The following NLGN1 variants were observed in gnomAD, a reference collection of about 807,000 sequenced individuals.
The protein encoded by NLGN1 is neuroligin 1.
Under a neutral mutation model 65.5 loss-of-function variants are expected in NLGN1, and 12 were observed. The ratio of observed to expected loss-of-function variants is 0.18; its 90% confidence interval spans 0.12 to 0.30. The LOEUF (loss-of-function observed/expected upper bound fraction) is 0.30, where lower values mean the gene tolerates loss of function less well. NLGN1 is among the 10% of genes least tolerant of loss of function. The pLI, the probability that NLGN1 is intolerant of heterozygous loss-of-function variation, is 1.00. For missense variants in NLGN1, 750 were observed against 1,007.1 expected, an observed-to-expected ratio of 0.74 and a Z score of 3.46; for synonymous variants, 350 against 359.5, an observed-to-expected ratio of 0.97 and a Z score of 0.30.
chr3:174,119,103 A>G (rs939040693), intron 4 of NLGN1, among the ~76,000 whole-genome samples: 1 of 152,178 alleles, frequency 6.6e-6, no homozygotes, highest in Non-Finnish European at 1.5e-5. Flanking sequence ...TAAAAGTAAT[A>G]CATGTCTTTT....
At chr3:174,186,336 A>G (rs1731395153) in intron 4 of NLGN1, among the ~76,000 whole-genome samples, 1 of 151,746 alleles carries the variant, frequency 6.6e-6, no homozygotes, top group Non-Finnish European at 1.5e-5. Context: ...CTCTTTTACT[A>G]TTTTCTTTTA....
At chr3:173,796,131 A>G (rs994085709) in intron 3 of NLGN1, among the ~76,000 whole-genome samples, 3 of 152,120 alleles carry the variant, frequency 2.0e-5, no homozygotes, top group African/African-American at 7.2e-5. Flanking sequence ...CAAAGTATGG[A>G]TAATTTCTGC....
At chr3:174,263,782 T>C (rs1747437983) in intron 4 of NLGN1, among the ~76,000 whole-genome samples, 2 of 151,960 alleles carry the variant, frequency 1.3e-5, no homozygotes, top group Admixed American at 6.6e-5. Flanking sequence ...CTAGTCTTGA[T>C]GGTCTTTACA....
chr3:174,153,174 A>G (rs1561170323), intron 4 of NLGN1, among the ~76,000 whole-genome samples: 1 of 152,118 alleles, frequency 6.6e-6, no homozygotes, highest in East Asian at 1.9e-4. Context: ...AGGCTTAGCT[A>G]TAATATGTCA....
intron 3 of NLGN1, among the ~76,000 whole-genome samples, chr3:173,794,554 GGA>G (rs1713575874): frequency 1.3e-5 from 2 of 152,122 alleles, no homozygotes; most frequent in South Asian, 4.1e-4. Context: ...TCAGGGCAAT[GGA>G]GAGTGTGTCT....
chr3:173,442,549 G>T (rs936738223), intron 2 of NLGN1, among the ~76,000 whole-genome samples: 3 of 152,074 alleles, frequency 2.0e-5, no homozygotes, highest in Admixed American at 2.0e-4. Flanking sequence ...TAAATGACTG[G>T]ATAGGGATGT....
chr3:173,904,094 T>C (rs1737887670), intron 4 of NLGN1, among the ~76,000 whole-genome samples: 1 of 152,212 alleles, frequency 6.6e-6, no homozygotes, highest in African/African-American at 2.4e-5. Flanking sequence ...CTTACACGAC[T>C]GTGGGCTGTC....
chr3:173,926,893 C>T (rs1335968821), intron 4 of NLGN1, among the ~76,000 whole-genome samples: 3 of 152,172 alleles, frequency 2.0e-5, no homozygotes, highest in Non-Finnish European at 2.9e-5. Flanking sequence ...CTATTAACTG[C>T]TTTATTGCCT....
intron 2 of NLGN1, among the ~76,000 whole-genome samples, chr3:173,519,618 C>T (rs1440590635): frequency 2.6e-5 from 4 of 152,174 alleles, no homozygotes; most frequent in African/African-American, 9.6e-5. Context: ...TGTGTGGGGC[C>T]TGTAGGCCTT....
upstream of NLGN1, among the ~76,000 whole-genome samples, chr3:173,397,441 T>C (rs542023676): frequency 7.2e-5 from 11 of 152,220 alleles, no homozygotes; most frequent in South Asian, 2.1e-4. Context: ...TCTGTGCCGC[T>C]AACCTCTTTC....
At chr3:174,176,106 A>C (rs1183857045) in intron 4 of NLGN1, among the ~76,000 whole-genome samples, 1 of 151,942 alleles carries the variant, frequency 6.6e-6, no homozygotes, top group Non-Finnish European at 1.5e-5. Flanking sequence ...TCTGGCCCTG[A>C]AATCAGGCTT....
intron 5 of NLGN1, among the ~76,000 whole-genome samples, chr3:174,278,130 T>G (rs1174682176): frequency 3.3e-5 from 5 of 152,096 alleles, no homozygotes; most frequent in African/African-American, 1.2e-4. Context: ...GTAGTGTACA[T>G]TCAACAGCGG....
chr3:173,604,588 A>G, exon 3 of NLGN1: 1 of 1,612,236 alleles, frequency 6.2e-7, no homozygotes, highest in Non-Finnish European at 8.5e-7. Flanking sequence ...CTAGACAACT[A>G]ATGTGGGACC....
chr3:173,886,853 A>G (rs1734429046), intron 4 of NLGN1, among the ~76,000 whole-genome samples: 3 of 152,018 alleles, frequency 2.0e-5, no homozygotes, highest in Admixed American at 6.6e-5. Context: ...TTGTCTTTGT[A>G]ATCACTCCAT....
intron 4 of NLGN1, among the ~76,000 whole-genome samples, chr3:174,175,974 C>T (rs1169495099): frequency 6.6e-6 from 1 of 151,840 alleles, no homozygotes; most frequent in African/African-American, 2.4e-5. Context: ...TCATTCACCA[C>T]AAAGAGCATA....
chr3:173,605,495 A>G, intron 3 of NLGN1, 39 bp from the exon 3 acceptor site: 2 of 1,092,532 alleles, frequency 1.8e-6, no homozygotes, highest in Non-Finnish European at 2.5e-6. Flanking sequence ...TCTATGATGG[A>G]GCGCCATGTT....
chr3:173,424,831 A>G (rs1463338907), intron 1 of NLGN1, among the ~76,000 whole-genome samples: 4 of 152,026 alleles, frequency 2.6e-5, no homozygotes, highest in Non-Finnish European at 5.9e-5. Context: ...AGCCCTACAA[A>G]CGGTTCCAAC....
exon 4 of NLGN1, chr3:173,807,690 C>T (rs1716958945): frequency 6.2e-7 from 1 of 1,613,298 alleles, no homozygotes; most frequent in Non-Finnish European, 8.5e-7. Flanking sequence ...ATATTCGGGA[C>T]AGTGGGGGTC....
At chr3:173,717,965 CA>C (rs1353351578) in intron 3 of NLGN1, among the ~76,000 whole-genome samples, 1 of 152,082 alleles carries the variant, frequency 6.6e-6, no homozygotes, top group African/African-American at 2.4e-5. Flanking sequence ...AGAACATTTT[CA>C]AACATTTGAG....
Sources: gnomAD v4.1 joint callset for allele counts (sites outside exome capture counted in the v4.1 genomes callset) on GRCh38, gnomAD v4.1.1 for gene constraint, MANE v1.5 for transcripts, NCBI Gene and HGNC (gene_info 2026-07-23, HGNC 2026-07-21) for gene names.